PRKCE: variants seen among roughly 807,000 people sequenced by gnomAD.
PRKCE encodes protein kinase C epsilon.
PRKCE carries 16 observed loss-of-function variants against 85.4 expected under a neutral mutation model. The observed-to-expected ratio is 0.19, with a 90% CI of 0.13 to 0.28. The LOEUF (loss-of-function observed/expected upper bound fraction) is 0.28, where lower values mean the gene tolerates loss of function less well. Ranked by LOEUF, PRKCE falls within the 10% of genes least tolerant of loss-of-function variation. The probability of loss-of-function intolerance (pLI) is 1.00; values close to 1 mark genes in which losing one functional copy is unlikely to be tolerated. For synonymous variants in PRKCE, 388 were observed against 371.5 expected, an observed-to-expected ratio of 1.04 and a Z score of -0.51; for missense variants, 573 against 975.2, an observed-to-expected ratio of 0.59 and a Z score of 5.49.
chr2:45,696,781 C>T (rs936415934), intron 1 of PRKCE, among the ~76,000 whole-genome samples: 5 of 152,252 alleles, frequency 3.3e-5, no homozygotes, highest in Non-Finnish European at 5.9e-5. Context: ...GGCCACCATG[C>T]GGCCTCTCAT....
intron 1 of PRKCE, among the ~76,000 whole-genome samples, chr2:45,672,260 A>G (rs1676207170): frequency 1.3e-5 from 2 of 151,738 alleles, no homozygotes; most frequent in South Asian, 4.2e-4. Flanking sequence ...CCATCCATCC[A>G]TCCATCCATC....
chr2:45,706,926 A>G (rs1469185073), intron 1 of PRKCE, among the ~76,000 whole-genome samples: 1 of 152,218 alleles, frequency 6.6e-6, no homozygotes, highest in Non-Finnish European at 1.5e-5. Flanking sequence ...TCAAGATCCC[A>G]AACAGAATAA....
chr2:46,154,616 G>T (rs977873261), intron 13 of PRKCE, among the ~76,000 whole-genome samples: 9 of 151,968 alleles, frequency 5.9e-5, no homozygotes, highest in African/African-American at 1.7e-4. Flanking sequence ...CTCTGGGACT[G>T]GGTCTCCTCT....
At chr2:45,795,546 G>T (rs575100774) in intron 1 of PRKCE, among the ~76,000 whole-genome samples, 1 of 152,130 alleles carries the variant, frequency 6.6e-6, no homozygotes, top group Non-Finnish European at 1.5e-5. Flanking sequence ...CTGACCTCAG[G>T]TGATCCACCC....
chr2:45,979,829 G>A (rs1702742134), intron 4 of PRKCE, among the ~76,000 whole-genome samples: 1 of 152,146 alleles, frequency 6.6e-6, no homozygotes, highest in South Asian at 2.1e-4. Context: ...TTTGAAGTTT[G>A]GTATGTCAGG....
intron 1 of PRKCE, among the ~76,000 whole-genome samples, chr2:45,734,684 G>A (rs528535511): frequency 6.6e-6 from 1 of 152,334 alleles, no homozygotes; most frequent in East Asian, 1.9e-4. Flanking sequence ...CCTGAGTGTA[G>A]GGGTGGATTT....
intron 6 of PRKCE, among the ~76,000 whole-genome samples, chr2:45,993,157 T>TG (rs1553468820): frequency 1.9e-5 from 1 of 53,934 alleles, no homozygotes; most frequent in African/African-American, 7.3e-5. Context: ...TTGTGAGGGG[T>TG]GGGGGTGGGT....
intron 2 of PRKCE, among the ~76,000 whole-genome samples, chr2:45,887,749 A>T (rs1695407680): frequency 6.6e-6 from 1 of 152,232 alleles, no homozygotes; most frequent in Admixed American, 6.5e-5. Flanking sequence ...ATGCTGCAAC[A>T]TTGGCTAAAA....
intron 1 of PRKCE, among the ~76,000 whole-genome samples, chr2:45,796,307 C>A (rs989770528): frequency 6.6e-6 from 1 of 152,140 alleles, no homozygotes; most frequent in South Asian, 2.1e-4. Flanking sequence ...CTGTAAGAAA[C>A]CTTGGACTGT....
chr2:45,795,455 C>G (rs1412902931), intron 1 of PRKCE, among the ~76,000 whole-genome samples: 1 of 151,974 alleles, frequency 6.6e-6, no homozygotes, highest in African/African-American at 2.4e-5. Context: ...ATTACAGGTG[C>G]CCACCACCAC....
intron 2 of PRKCE, among the ~76,000 whole-genome samples, chr2:45,877,005 A>G (rs1314514513): frequency 1.3e-5 from 2 of 152,218 alleles, no homozygotes; most frequent in African/African-American, 4.8e-5. Context: ...TTAAGTATTT[A>G]TGCCTACTTA....
intron 14 of PRKCE, among the ~76,000 whole-genome samples, chr2:46,169,898 A>T (rs1678723186): frequency 6.6e-6 from 1 of 152,168 alleles, no homozygotes; most frequent in African/African-American, 2.4e-5. Context: ...GAAGTGTTAG[A>T]CAGAACTGGG....
chr2:45,867,915 C>G (rs961480804), intron 2 of PRKCE, among the ~76,000 whole-genome samples: 2 of 152,162 alleles, frequency 1.3e-5, no homozygotes, highest in African/African-American at 2.4e-5. Flanking sequence ...GCCCCCAGGT[C>G]ACTTGTTTTG....
intron 2 of PRKCE, among the ~76,000 whole-genome samples, chr2:45,936,914 G>T (rs1429926608): frequency 6.6e-6 from 1 of 152,116 alleles, no homozygotes; most frequent in Non-Finnish European, 1.5e-5. Context: ...GTACTTTCAG[G>T]CTATAATCAA....
intron 10 of PRKCE, among the ~76,000 whole-genome samples, chr2:46,052,968 T>C (rs1304027400): frequency 6.6e-6 from 1 of 152,172 alleles, no homozygotes; most frequent in African/African-American, 2.4e-5. Flanking sequence ...TACACAAAAG[T>C]GAACTCAAAG....
chr2:45,776,427 A>C (rs1685753835), intron 1 of PRKCE, among the ~76,000 whole-genome samples: 1 of 152,212 alleles, frequency 6.6e-6, no homozygotes, highest in African/African-American at 2.4e-5. Context: ...CCTGAAGAGA[A>C]CAAATAACCA....
At chr2:45,966,254 T>C (rs115073071) in intron 2 of PRKCE, among the ~76,000 whole-genome samples, 1 of 152,234 alleles carries the variant, frequency 6.6e-6, no homozygotes, top group Middle Eastern at 3.2e-3. Context: ...TGATACTTCA[T>C]AGATGTGTAA....
intron 2 of PRKCE, among the ~76,000 whole-genome samples, chr2:45,883,758 T>C (rs540695213): frequency 1.3e-5 from 2 of 152,294 alleles, no homozygotes; most frequent in African/African-American, 4.8e-5. Context: ...GAAGGACAAA[T>C]GGGGCTGGCA....
chr2:45,807,693 C>T (rs1199306473), intron 1 of PRKCE, among the ~76,000 whole-genome samples: 1 of 152,112 alleles, frequency 6.6e-6, no homozygotes, highest in Non-Finnish European at 1.5e-5. Flanking sequence ...AACTCTGCAC[C>T]AGCAGCATCA....
Sources: allele counts gnomAD v4.1 joint callset (sites outside exome capture counted in the v4.1 genomes callset), GRCh38; gene constraint gnomAD v4.1.1; transcripts MANE v1.5; gene names NCBI Gene and HGNC (gene_info 2026-07-23, HGNC 2026-07-21).